The following BAIAP2 variants were observed in gnomAD, a reference collection of about 807,000 sequenced individuals.
BAIAP2 encodes BAR/IMD domain-containing adapter protein 2.
In BAIAP2, 18 loss-of-function variants were observed where a neutral mutation model predicts 63.0. The observed-to-expected ratio is 0.29, with a 90% confidence interval of 0.20 to 0.42. The LOEUF (loss-of-function observed/expected upper bound fraction) is 0.42. Among genes scored for constraint, BAIAP2 ranks in the 10% least tolerant of loss-of-function variants. The probability of loss-of-function intolerance (pLI) is 1.00; values close to 1 mark genes in which losing one functional copy is unlikely to be tolerated. For synonymous variants in BAIAP2, 386 were observed against 307.6 expected (o/e 1.25, Z -2.67); for missense variants, 610 against 734.3 (o/e 0.83, Z 1.96).
chr17:81,101,405 C>G (rs1443421975), intron 7 of BAIAP2, among the ~76,000 whole-genome samples: 3 of 152,196 alleles, frequency 2.0e-5, no homozygotes, highest in Non-Finnish European at 2.9e-5. Context: ...GCAGGGCCAG[C>G]AGGCCCCTGT....
chr17:81,069,125 C>T (rs557364585), intron 3 of BAIAP2, among the ~76,000 whole-genome samples: 7 of 152,300 alleles, frequency 4.6e-5, no homozygotes, highest in South Asian at 2.1e-4. Flanking sequence ...GAAGGGCAAA[C>T]GGCAGAGCAT....
chr17:81,059,681 G>A (rs188069952), intron 3 of BAIAP2, among the ~76,000 whole-genome samples: 14 of 152,198 alleles, frequency 9.2e-5, no homozygotes, highest in Non-Finnish European at 1.6e-4. Context: ...GAGCTCCTGG[G>A]CTCAAGTGAT....
At chr17:81,068,498 T>C (rs2051932969) in intron 3 of BAIAP2, among the ~76,000 whole-genome samples, 1 of 152,202 alleles carries the variant, frequency 6.6e-6, no homozygotes, top group South Asian at 2.1e-4. Context: ...AGGGCAGCGA[T>C]GCAGGGCCCA....
intron 13 of BAIAP2, among the ~76,000 whole-genome samples, chr17:81,113,982 T>G (rs987172377): frequency 3.9e-5 from 4 of 101,328 alleles, no homozygotes; most frequent in Middle Eastern, 5.7e-3. Flanking sequence ...TTTTTTTTTT[T>G]GAGACAGGGT....
chr17:81,044,633 G>A (rs1308506223), intron 1 of BAIAP2, among the ~76,000 whole-genome samples: 9 of 152,240 alleles, frequency 5.9e-5, no homozygotes, highest in Non-Finnish European at 1.0e-4. Flanking sequence ...GACCCCACCC[G>A]TGACGGAGTG....
intron 6 of BAIAP2, among the ~76,000 whole-genome samples, chr17:81,097,280 C>T (rs73365958): frequency 0.066 from 9,999 of 152,168 alleles, 534 homozygotes; most frequent in African/African-American, 0.15. Context: ...CGCCGGGCTC[C>T]GTGTTGGGGG....
intron 6 of BAIAP2, among the ~76,000 whole-genome samples, chr17:81,092,374 T>C (rs2056922510): frequency 1.3e-5 from 2 of 152,166 alleles, no homozygotes; most frequent in African/African-American, 4.8e-5. Flanking sequence ...CAGCCTGAGC[T>C]GAAACAGGGA....
intron 6 of BAIAP2, among the ~76,000 whole-genome samples, chr17:81,099,215 C>A (rs2058152265): frequency 1.3e-5 from 2 of 151,698 alleles, no homozygotes; most frequent in Admixed American, 1.3e-4. Flanking sequence ...CTTGTCTGAT[C>A]CTCCCCACGA....
At chr17:81,042,974 C>T (rs974398301) in intron 1 of BAIAP2, among the ~76,000 whole-genome samples, 1 of 152,122 alleles carries the variant, frequency 6.6e-6, no homozygotes, top group Non-Finnish European at 1.5e-5. Context: ...GCCTCTGCCT[C>T]CTGGGCTCAA....
At chr17:81,102,552 C>T (rs938911767) in intron 7 of BAIAP2, among the ~76,000 whole-genome samples, 2 of 152,246 alleles carry the variant, frequency 1.3e-5, no homozygotes, top group African/African-American at 4.8e-5. Context: ...TGCAATAAAA[C>T]TTTATTTACA....
rs56219227 is a variant in BAIAP2, at chr17:81,075,936, AT to A, written c.218-8880del. 5.1e-3 allele frequency among the ~76,000 whole-genome samples: 741 copies of A among 145,202 alleles called. 5 individuals carry two copies. The highest frequency in any genetic ancestry group is 0.012 in the African/African-American group (488 of 39,434). ...GTATACTTTTTTGGGTCTGCTGGGA[AT>A]TTTTTTTTTTTTTTTGTAGTGGTGA... On this transcript the variant is annotated intron_variant, in intron 3 of 13. Coordinates refer to ENST00000428708, the MANE Select transcript of BAIAP2 (RefSeq NM_001144888.2).
chr17:81,078,845 G>C (rs1004012446), intron 3 of BAIAP2, among the ~76,000 whole-genome samples: 28 of 152,132 alleles, frequency 1.8e-4, no homozygotes, highest in African/African-American at 6.5e-4. Flanking sequence ...GGGCTCCTGA[G>C]TTTTGGGGTG....
At chr17:81,077,752 G>A (rs1191348511) in intron 3 of BAIAP2, among the ~76,000 whole-genome samples, 2 of 152,040 alleles carry the variant, frequency 1.3e-5, no homozygotes, top group Non-Finnish European at 2.9e-5. Context: ...CCGTGGGTGC[G>A]GGTGCAGGTG....
intron 13 of BAIAP2, chr17:81,109,609 T>G: frequency 1.0e-6 from 1 of 985,172 alleles, no homozygotes; most frequent in Non-Finnish European, 1.2e-6. Flanking sequence ...AGGGGCCTCC[T>G]GAGGAAGCCG....
intron 6 of BAIAP2, among the ~76,000 whole-genome samples, chr17:81,099,704 C>A (rs2058229908): frequency 6.6e-6 from 1 of 152,004 alleles, no homozygotes; most frequent in Non-Finnish European, 1.5e-5. Context: ...GGCAGGGAAG[C>A]CTTCTGGGGA....
chr17:81,104,404 A>T, intron 9 of BAIAP2, 110 bp from the exon 10 acceptor site: 1 of 1,233,114 alleles, frequency 8.1e-7, no homozygotes, highest in Non-Finnish European at 1.1e-6. Context: ...CAGCCCACTT[A>T]CCCACCTGGG....
At chr17:81,110,242 A>C in intron 13 of BAIAP2, 1 of 984,934 alleles carries the variant, frequency 1.0e-6, no homozygotes, top group Non-Finnish European at 1.2e-6. Flanking sequence ...AAGCAGCTCA[A>C]GACGCGGACC....
intron 5 of BAIAP2, 78 bp from the exon 6 acceptor site, chr17:81,086,364 GC>G (rs1304196366): frequency 2.6e-6 from 4 of 1,558,364 alleles, no homozygotes; most frequent in Non-Finnish European, 3.5e-6. Context: ...GGGCTCATGG[GC>G]CTCGGTTTTG....
chr17:81,085,871 T>C, intron 5 of BAIAP2, 146 bp downstream of exon 5: 1 of 660,712 alleles, frequency 1.5e-6, no homozygotes, highest in Non-Finnish European at 2.6e-6. Context: ...TTATTGTCCA[T>C]TTGGGACCGA....
Sources: allele counts gnomAD v4.1 joint callset (sites outside exome capture counted in the v4.1 genomes callset), GRCh38; gene constraint gnomAD v4.1.1; transcripts MANE v1.5; gene names NCBI Gene and HGNC (gene_info 2026-07-23, HGNC 2026-07-21).